USH2A: variants seen among roughly 807,000 people sequenced by gnomAD.
The protein encoded by USH2A is usherin, also known as Usher syndrome 2A (autosomal recessive, mild).
USH2A carries 443 observed loss-of-function variants against 538.9 expected under a neutral mutation model. The observed-to-expected ratio is 0.82, with a 90% confidence interval of 0.76 to 0.89. USH2A has a LOEUF of 0.89. Ranked by LOEUF, USH2A falls within the 40% of genes least tolerant of loss-of-function variation. The pLI is 0.00. For synonymous variants in USH2A, 2,413 were observed against 2,273.5 expected (o/e 1.06, Z -1.75); for missense variants, 6,633 against 6,324.8 (o/e 1.05, Z -1.65).
At chr1:215,724,909 G>A (rs1223590398) in intron 61 of USH2A, among the ~76,000 whole-genome samples, 3 of 152,170 alleles carry the variant, frequency 2.0e-5, no homozygotes, top group Admixed American at 6.5e-5. Flanking sequence ...TGCTATTATG[G>A]AGAAGTCATG....
chr1:215,669,326 C>T (rs1346844197), intron 64 of USH2A, among the ~76,000 whole-genome samples: 3 of 152,164 alleles, frequency 2.0e-5, no homozygotes, highest in Non-Finnish European at 2.9e-5. Flanking sequence ...AGGGCAGGCA[C>T]GTAGGTTCTG....
At chr1:216,252,879 C>T (rs548266974) in intron 11 of USH2A, among the ~76,000 whole-genome samples, 52 of 152,206 alleles carry the variant, frequency 3.4e-4, no homozygotes, top group African/African-American at 1.1e-3. Context: ...CCATGAAAAT[C>T]CAATAGGCGT....
chr1:216,199,051 C>G (rs1189890085), intron 17 of USH2A, among the ~76,000 whole-genome samples: 1 of 152,054 alleles, frequency 6.6e-6, no homozygotes, highest in Non-Finnish European at 1.5e-5. Flanking sequence ...ATGTTATAGT[C>G]AATCTCTACC....
intron 38 of USH2A, among the ~76,000 whole-genome samples, chr1:215,904,016 A>T (rs1014554506): frequency 2.0e-5 from 3 of 152,172 alleles, no homozygotes; most frequent in Non-Finnish European, 2.9e-5. Context: ...TAATTGATTT[A>T]TAATAAGTGC....
intron 3 of USH2A, among the ~76,000 whole-genome samples, chr1:216,378,509 G>A (rs1376275683): frequency 6.6e-6 from 1 of 152,150 alleles, no homozygotes; most frequent in East Asian, 1.9e-4. Flanking sequence ...TAGGGATGAA[G>A]AGATATAAGG....
chr1:215,675,718 A>T, intron 62 of USH2A, 102 bp from the exon 63 acceptor site: 9 of 1,589,408 alleles, frequency 5.7e-6, no homozygotes, highest in Non-Finnish European at 7.7e-6. Context: ...CCTTATTTTG[A>T]TGACCCTAAT....
intron 47 of USH2A, among the ~76,000 whole-genome samples, chr1:215,830,104 AT>A (rs370878247): frequency 2.6e-4 from 40 of 152,218 alleles, no homozygotes; most frequent in Admixed American, 7.9e-4. Flanking sequence ...TGAGTTTCCC[AT>A]TTTTTTTCCC....
intron 21 of USH2A, among the ~76,000 whole-genome samples, chr1:216,148,123 G>A (rs568794392): frequency 3.0e-3 from 459 of 151,868 alleles, no homozygotes; most frequent in African/African-American, 0.011. Flanking sequence ...TAATCAATAC[G>A]GAGGCTACCC....
chr1:215,723,289 T>TCTGCTGCTG (rs1429844398), intron 61 of USH2A, among the ~76,000 whole-genome samples: 1 of 152,150 alleles, frequency 6.6e-6, no homozygotes, highest in East Asian at 1.9e-4. Flanking sequence ...TCCTGCTGCC[T>TCTGCTGCTG]CTGCTGCTGC....
At position 216,286,066 on chromosome 1, in the gene USH2A, G is replaced by T. The variant is rs142312264; in HGVS notation, c.1971+3214C>A. On this transcript the variant is annotated intron_variant, in intron 11 of 71. Transcript: ENST00000307340. The stretch of plus-strand genomic sequence containing the variant: ...GTTAATGCTGGAATGAGTTAACACT[G>T]TGGGGGACTCTTGGAAGGGCATGAT... Among the ~76,000 whole-genome samples the T allele has an allele frequency of 5.0e-3, 754 of 152,284 alleles. 6 individuals are homozygous for T. The highest frequency in any genetic ancestry group is 0.018 in the African/African-American group (735 of 41,566).
At chr1:216,076,318 TAATAA>T (rs1424236648) in intron 27 of USH2A, among the ~76,000 whole-genome samples, 7 of 152,196 alleles carry the variant, frequency 4.6e-5, no homozygotes, top group Admixed American at 1.3e-4. Flanking sequence ...TATTACTCAC[TAATAA>T]AATATCTTCC....
intron 36 of USH2A, among the ~76,000 whole-genome samples, chr1:215,966,284 GAA>G (rs1667345274): frequency 1.3e-5 from 2 of 152,128 alleles, no homozygotes; most frequent in South Asian, 2.1e-4. Flanking sequence ...CAAGAAAGTA[GAA>G]AAGAGTTCAG....
At chr1:216,335,797 A>T (rs527286531) in intron 4 of USH2A, among the ~76,000 whole-genome samples, 1 of 151,736 alleles carries the variant, frequency 6.6e-6, no homozygotes, top group African/African-American at 2.4e-5. Flanking sequence ...AATTTCCACA[A>T]AGAAAAGCTT....
At chr1:216,356,968 T>C (rs2038401914) in intron 4 of USH2A, among the ~76,000 whole-genome samples, 2 of 152,128 alleles carry the variant, frequency 1.3e-5, no homozygotes, top group Admixed American at 1.3e-4. Flanking sequence ...TGATAATCGT[T>C]GTTTGAATTT....
At chr1:216,419,161 A>G (rs2039632361) in intron 2 of USH2A, among the ~76,000 whole-genome samples, 1 of 152,026 alleles carries the variant, frequency 6.6e-6, no homozygotes, top group African/African-American at 2.4e-5. Flanking sequence ...TTTAATTCCC[A>G]TGGTGAAATG....
chr1:216,346,789 G>A (rs1261952229), intron 4 of USH2A, among the ~76,000 whole-genome samples: 1 of 151,520 alleles, frequency 6.6e-6, no homozygotes, highest in Non-Finnish European at 1.5e-5. Flanking sequence ...TTCCTCTAAG[G>A]CTCCACCCTG....
intron 3 of USH2A, among the ~76,000 whole-genome samples, chr1:216,403,336 G>A (rs1380827568): frequency 6.6e-6 from 1 of 152,062 alleles, no homozygotes; most frequent in Non-Finnish European, 1.5e-5. Context: ...AATGGTGAAA[G>A]TTGAACTCTT....
At chr1:216,292,107 A>T (rs954185784) in intron 10 of USH2A, 68 bp downstream of exon 10, 2 of 1,511,092 alleles carry the variant, frequency 1.3e-6, no homozygotes, top group African/African-American at 2.7e-5. Flanking sequence ...CATAATTTAA[A>T]ATAATATGCA....
intron 20 of USH2A, among the ~76,000 whole-genome samples, chr1:216,186,892 A>C (rs1324481376): frequency 6.6e-6 from 1 of 151,666 alleles, no homozygotes; most frequent in Non-Finnish European, 1.5e-5. Flanking sequence ...CCCTTCTTTC[A>C]ATCTTCACTT....
Sources: gnomAD v4.1 joint callset for allele counts (sites outside exome capture counted in the v4.1 genomes callset) on GRCh38, gnomAD v4.1.1 for gene constraint, MANE v1.5 for transcripts, NCBI Gene and HGNC (gene_info 2026-07-23, HGNC 2026-07-21) for gene names.